AMZ1: variants seen among roughly 807,000 people sequenced by gnomAD.
The protein encoded by AMZ1 is archaemetzincin-1.
AMZ1 carries 39 observed loss-of-function variants against 29.9 expected under a neutral mutation model. That is an observed-to-expected ratio of 1.30 (90% confidence interval 1.01 to 1.70). AMZ1 has a LOEUF of 1.70. Ranked by LOEUF, AMZ1 falls within the 40% of genes most tolerant of loss-of-function variation. The pLI is 0.00. For missense variants in AMZ1, 1,041 were observed against 680.6 expected, an observed-to-expected ratio of 1.53 and a Z score of -5.89; for synonymous variants, 458 against 304.0, an observed-to-expected ratio of 1.51 and a Z score of -5.27.
At chr7:2,707,276 C>CA (rs34223369) in intron 3 of AMZ1, among the ~76,000 whole-genome samples, 1,769 of 144,686 alleles carry the variant, frequency 0.012, 21 homozygotes, top group African/African-American at 0.032. Flanking sequence ...CACTCCATCT[C>CA]AAAAAAAAAA....
intron 1 of AMZ1, among the ~76,000 whole-genome samples, chr7:2,696,308 G>A (rs374808891): frequency 2.0e-5 from 3 of 147,482 alleles, no homozygotes; most frequent in Non-Finnish European, 4.5e-5. Context: ...CCAGGCTGGA[G>A]TGCAGTGGTG....
At chr7:2,685,105 G>A (rs903423918), upstream of AMZ1, among the ~76,000 whole-genome samples, 4 of 151,558 alleles carry the variant, frequency 2.6e-5, no homozygotes, top group South Asian at 2.1e-4. Context: ...TTCTGACCTC[G>A]TGATCCGCCC....
intron 4 of AMZ1, among the ~76,000 whole-genome samples, chr7:2,734,310 T>A (rs1340217491): frequency 2.6e-5 from 4 of 152,162 alleles, no homozygotes; most frequent in African/African-American, 9.7e-5. Flanking sequence ...AAAGGTAGCG[T>A]ATTAAAAACC....
chr7:2,694,381 C>T (rs1787581591), intron 1 of AMZ1, among the ~76,000 whole-genome samples: 1 of 152,190 alleles, frequency 6.6e-6, no homozygotes, highest in Non-Finnish European at 1.5e-5. Context: ...CCTTGGGCTT[C>T]CCTGGGTCTC....
chr7:2,758,115 A>G (rs1165671262), intron 4 of AMZ1, among the ~76,000 whole-genome samples: 2 of 152,172 alleles, frequency 1.3e-5, no homozygotes, highest in African/African-American at 4.8e-5. Flanking sequence ...CTTTATGGAA[A>G]GCCCCTCTAT....
intron 3 of AMZ1, 139 bp downstream of exon 3, chr7:2,703,028 A>G (rs777740236): frequency 8.2e-7 from 1 of 1,219,082 alleles, no homozygotes; most frequent in Non-Finnish European, 1.1e-6. Context: ...GGTGTTTGGG[A>G]AGCAGGACCA....
At chr7:2,702,604 G>C in intron 2 of AMZ1, 118 bp from the exon 3 acceptor site, 1 of 1,187,930 alleles carries the variant, frequency 8.4e-7, no homozygotes, top group South Asian at 1.6e-5. Flanking sequence ...CTTGCTGTCA[G>C]GGTAGGTCCA....
Position 2,700,512 on chromosome 7 carries a change from C to G in AMZ1, c.61C>G (p.Leu21Val). ...CGGGCCCCGGGCCTTGAAGGACGCT[C>G]TGGTCTCCACTGACGCAGCCCTGCA... ...SFGPRALKDA[L>V]VSTDAALQQL... Residue 21 changes from leucine (L) to valine (V), a missense_variant, in exon 2 of 7, where the codon CTG becomes GTG. Leu to Val is a conservative substitution (Grantham distance 32). Coordinates refer to ENST00000683327, the MANE Select transcript of AMZ1 (RefSeq NM_001384743.1). 6.2e-7 allele frequency: 1 copy of G among 1,607,042 alleles called. No individual in the cohort carries two copies. The highest frequency in any genetic ancestry group is 1.1e-5 in the South Asian group (1 of 91,084).
chr7:2,750,284 A>C (rs1357877910), intron 4 of AMZ1, among the ~76,000 whole-genome samples: 2 of 152,186 alleles, frequency 1.3e-5, no homozygotes, highest in African/African-American at 4.8e-5. Context: ...TGCTGCCCCC[A>C]AACTGCAGAG....
intron 4 of AMZ1, among the ~76,000 whole-genome samples, chr7:2,737,686 T>A (rs921920512): frequency 2.0e-5 from 3 of 152,190 alleles, no homozygotes; most frequent in Non-Finnish European, 2.9e-5. Flanking sequence ...AATGGTGAGC[T>A]AGAGGATTCC....
downstream of AMZ1, among the ~76,000 whole-genome samples, chr7:2,721,092 C>T (rs1789400612): frequency 6.6e-6 from 1 of 152,194 alleles, no homozygotes; most frequent in Non-Finnish European, 1.5e-5. Context: ...CCAGCAGCTG[C>T]AAAACGACCG....
chr7:2,721,999 T>C (rs1789441562), downstream of AMZ1, among the ~76,000 whole-genome samples: 1 of 152,250 alleles, frequency 6.6e-6, no homozygotes, highest in Non-Finnish European at 1.5e-5. Flanking sequence ...GCTGGCGCTG[T>C]AGCGACCGTC....
At chr7:2,687,241 G>A (rs866334682), upstream of AMZ1, among the ~76,000 whole-genome samples, 6 of 151,992 alleles carry the variant, frequency 3.9e-5, no homozygotes, top group Non-Finnish European at 7.4e-5. Flanking sequence ...GCAGAAGAAT[G>A]ACTTGAACCC....
intron 4 of AMZ1, among the ~76,000 whole-genome samples, chr7:2,725,980 G>C (rs1583195226): frequency 1.3e-5 from 2 of 152,200 alleles, no homozygotes; most frequent in African/African-American, 4.8e-5. Flanking sequence ...AAGGCTTCAA[G>C]GAAACACCAG....
chr7:2,736,372 C>G (rs377492660), intron 4 of AMZ1, among the ~76,000 whole-genome samples: 1 of 152,094 alleles, frequency 6.6e-6, no homozygotes, highest in African/African-American at 2.4e-5. Flanking sequence ...CTTGGACTTG[C>G]GGATTAAATG....
chr7:2,759,188 TA>T (rs1554257558), intron 4 of AMZ1, among the ~76,000 whole-genome samples: 2 of 144,518 alleles, frequency 1.4e-5, no homozygotes, highest in African/African-American at 5.3e-5. Context: ...AATAAATAAA[TA>T]AAATAAAAAT....
At chr7:2,679,743 A>C (rs975641793) in intron 1 of AMZ1, 6 of 152,404 alleles carry the variant, frequency 3.9e-5, no homozygotes, top group African/African-American at 1.4e-4. Flanking sequence ...CCTGAAGCCT[A>C]AATGTGGGGT....
intron 6 of AMZ1, among the ~76,000 whole-genome samples, chr7:2,710,019 C>A (rs1309881103): frequency 1.3e-5 from 2 of 152,222 alleles, no homozygotes; most frequent in South Asian, 2.1e-4. Context: ...CCTGCCAGGG[C>A]CCGCGTGTGG....
At chr7:2,685,008 T>C (rs1051627009), upstream of AMZ1, among the ~76,000 whole-genome samples, 1 of 151,604 alleles carries the variant, frequency 6.6e-6, no homozygotes, top group Non-Finnish European at 1.5e-5. Context: ...TAGCTGGGAC[T>C]ACAGGCGCCC....
Sources: gnomAD v4.1 joint callset for allele counts (sites outside exome capture counted in the v4.1 genomes callset) on GRCh38, gnomAD v4.1.1 for gene constraint, MANE v1.5 for transcripts, NCBI Gene and HGNC (gene_info 2026-07-23, HGNC 2026-07-21) for gene names.